Variants in INSL6 observed in about 807,000 individuals in gnomAD.
INSL6 encodes insulin-like peptide INSL6.
INSL6 carries 16 observed loss-of-function variants against 9.4 expected under a neutral mutation model. That is an observed-to-expected ratio of 1.70 (90% CI 1.15 to 2.59). INSL6 has a LOEUF of 2.59. Among genes scored for constraint, INSL6 ranks in the 30% most tolerant of loss-of-function variants. INSL6 has a pLI of 0.00. For missense variants in INSL6, 391 were observed against 257.3 expected (o/e 1.52, Z -3.56); for synonymous variants, 154 against 96.9 (o/e 1.59, Z -3.46).
intron 2 of INSL6, among the ~76,000 whole-genome samples, chr9:5,153,055 A>T (rs1367936595): frequency 6.6e-6 from 1 of 151,704 alleles, no homozygotes; most frequent in African/African-American, 2.4e-5. Context: ...AGACCAGGAG[A>T]TTCCTTCCAG....
intron 3 of INSL6, chr9:5,132,686 T>C (rs146740199): frequency 6.6e-6 from 1 of 152,232 alleles, no homozygotes; most frequent in African/African-American, 2.4e-5. Context: ...ATGGTTGTAG[T>C]AGTGAAACTG....
the INSL6 span, among the ~76,000 whole-genome samples, chr9:5,086,294 C>A: frequency 1.3e-5 from 2 of 152,116 alleles, no homozygotes; most frequent in African/African-American, 4.8e-5. Flanking sequence ...GGACCTGGAG[C>A]CTGAAACCTC....
chr9:5,008,968 T>C, the INSL6 span, among the ~76,000 whole-genome samples: 1 of 152,208 alleles, frequency 6.6e-6, no homozygotes, highest in Non-Finnish European at 1.5e-5. Context: ...CTTGACTGTC[T>C]TCCAAATTAT....
chr9:5,035,849 C>A, the INSL6 span, among the ~76,000 whole-genome samples: 2 of 152,320 alleles, frequency 1.3e-5, no homozygotes, highest in East Asian at 3.9e-4. Context: ...CTCACCACTC[C>A]TATTCAACAT....
At chr9:5,088,468 G>A in the INSL6 span, among the ~76,000 whole-genome samples, 1 of 152,090 alleles carries the variant, frequency 6.6e-6, no homozygotes, top group South Asian at 2.1e-4. Flanking sequence ...TTATTTAAAT[G>A]TTATAGCAAC....
the INSL6 span, chr9:5,070,144 T>C: frequency 1.2e-6 from 1 of 866,874 alleles, no homozygotes; most frequent in Non-Finnish European, 1.7e-6. Flanking sequence ...TGGAATTATT[T>C]TGTTATATAC....
chr9:5,088,806 T>C, the INSL6 span, among the ~76,000 whole-genome samples: 1 of 152,246 alleles, frequency 6.6e-6, no homozygotes, highest in Non-Finnish European at 1.5e-5. Flanking sequence ...CTTCCTCTTA[T>C]AAGGGCACTA....
the INSL6 span, among the ~76,000 whole-genome samples, chr9:5,053,609 A>G: frequency 6.6e-6 from 1 of 152,092 alleles, no homozygotes; most frequent in African/African-American, 2.4e-5. Flanking sequence ...AACAGAAGCC[A>G]AACTGGAATG....
At chr9:5,110,783 C>A in the INSL6 span, 1 of 401,484 alleles carries the variant, frequency 2.5e-6, no homozygotes, top group Non-Finnish European at 4.8e-6. Context: ...GTGGTAAGGG[C>A]CCGGGCCACG....
the INSL6 span, chr9:5,081,651 C>G: frequency 9.4e-7 from 1 of 1,066,490 alleles, no homozygotes; most frequent in African/African-American, 1.6e-5. Context: ...TTTTGGTCAA[C>G]TTGAATGTAT....
At chr9:5,055,506 T>A in the INSL6 span, among the ~76,000 whole-genome samples, 1 of 152,042 alleles carries the variant, frequency 6.6e-6, no homozygotes, top group African/African-American at 2.4e-5. Flanking sequence ...AGCATAGTCT[T>A]AGGGTTAGAT....
chr9:5,085,884 A>G, the INSL6 span: 1 of 805,470 alleles, frequency 1.2e-6, no homozygotes, highest in Non-Finnish European at 2.2e-6. Context: ...TGTTGTTGAT[A>G]TGAGCGGTTC....
chr9:5,110,601 ACAGATATG>A, the INSL6 span: 1 of 182,798 alleles, frequency 5.5e-6, no homozygotes, highest in African/African-American at 2.4e-5. Flanking sequence ...CCTTGCACTT[ACAGATATG>A]CCTTTCTTCA....
chr9:4,993,587 G>T, the INSL6 span, among the ~76,000 whole-genome samples: 8 of 152,134 alleles, frequency 5.3e-5, no homozygotes, highest in African/African-American at 1.7e-4. Flanking sequence ...GCCCTAGTAT[G>T]TAACAAGGGT....
the INSL6 span, chr9:5,090,711 A>G: frequency 6.4e-7 from 1 of 1,564,402 alleles, no homozygotes; most frequent in South Asian, 1.2e-5. Flanking sequence ...TTATAAAACT[A>G]GCTGAAAGAA....
chr9:5,041,758 A>G, the INSL6 span: 1 of 489,824 alleles, frequency 2.0e-6, no homozygotes. Flanking sequence ...AGCAGTGTCC[A>G]CACCGACCTG....
chr9:5,089,223 A>G, the INSL6 span, among the ~76,000 whole-genome samples: 1 of 152,268 alleles, frequency 6.6e-6, no homozygotes, highest in Non-Finnish European at 1.5e-5. Context: ...TCTTGTTCTA[A>G]GAGTTCCTTA....
intron 1 of INSL6, among the ~76,000 whole-genome samples, chr9:5,171,453 T>C (rs779795735): frequency 2.6e-5 from 4 of 152,212 alleles, no homozygotes; most frequent in Non-Finnish European, 4.4e-5. Flanking sequence ...ATCACTCCTA[T>C]TCAACATAGT....
intron 2 of INSL6, among the ~76,000 whole-genome samples, chr9:5,136,899 A>G (rs1824395884): frequency 1.3e-5 from 2 of 152,132 alleles, no homozygotes; most frequent in Non-Finnish European, 2.9e-5. Context: ...AATCTCCTTA[A>G]GCTGATAAGC....
Sources: allele counts gnomAD v4.1 joint callset (sites outside exome capture counted in the v4.1 genomes callset), GRCh38; gene constraint gnomAD v4.1.1; transcripts MANE v1.5; gene names NCBI Gene and HGNC (gene_info 2026-07-23, HGNC 2026-07-21).